The following DRC1 variants were observed in gnomAD, a reference collection of about 807,000 sequenced individuals.
DRC1 encodes the protein dynein regulatory complex subunit 1.
DRC1 carries 74 observed loss-of-function variants against 98.7 expected under a neutral mutation model. The ratio of observed to expected loss-of-function variants is 0.75; its 90% CI spans 0.62 to 0.91. The LOEUF is 0.91. Ranked by LOEUF, DRC1 falls within the 40% of genes least tolerant of loss-of-function variation. The probability of loss-of-function intolerance (pLI) is 0.00; values close to 1 mark genes in which losing one functional copy is unlikely to be tolerated. For synonymous variants in DRC1, 336 were observed against 334.1 expected (o/e 1.01, Z -0.06); for missense variants, 875 against 886.0 (o/e 0.99, Z 0.16).
Position 26,444,779 on chromosome 2 carries a change from G to A in DRC1, c.1227G>A (p.Ala409=), listed in dbSNP as rs1264616284. The change falls in exon 10 of 17, where the codon GCG becomes GCA. Residue 409 remains alanine, a synonymous_variant. Coordinates refer to ENST00000288710, the MANE Select transcript of DRC1 (RefSeq NM_145038.5). Reference sequence around the variant, plus strand: ...TTTGGCTGATGAATGAAGAGGAGGCGAAGGACCTAATAGCCAGAGCCTTTG... The same window carrying A: ...TTTGGCTGATGAATGAAGAGGAGGCAAAGGACCTAATAGCCAGAGCCTTTG... The part of the protein sequence containing the change: ...WEIWLMNEEE[A]KDLIARAFDV... 6.8e-6 allele frequency: 11 copies of A among 1,614,164 alleles called. No homozygotes were observed. Among genetic ancestry groups the A allele is most frequent in the African/African-American group, 5.3e-5 (4 of 75,028 alleles).
intron 13 of DRC1, among the ~76,000 whole-genome samples, chr2:26,450,883 C>T (rs181506355): frequency 6.6e-6 from 1 of 152,122 alleles, no homozygotes; most frequent in Non-Finnish European, 1.5e-5. Flanking sequence ...TCCCCTAGCC[C>T]CCACCCCCCG....
In DRC1 at chr2:26,444,918, C is replaced by A. The variant is rs777051751; in HGVS notation, c.1366C>A (p.Gln456Lys). The A allele has an allele frequency of 6.2e-7, 1 of 1,614,124 alleles. No homozygotes were observed. The highest frequency in any genetic ancestry group is 1.1e-5 in the South Asian group (1 of 91,072). The change falls in exon 10 of 17, where the codon CAG (glutamine) becomes AAG (lysine). Residue 456 changes from glutamine (Q) to lysine (K), a missense_variant. Transcript: ENST00000288710. ...TCAGCAGCCCCAGAAGTCCGCCACACAGATAGTAGAAGAAATGCTTATGCG... is the reference window on the plus strand; with the variant it reads ...TCAGCAGCCCCAGAAGTCCGCCACAAAGATAGTAGAAGAAATGCTTATGCG... Reference protein sequence around the residue: ...ISQQPQKSATQIVEEMLMRSE... With the variant: ...ISQQPQKSATKIVEEMLMRSE...
chr2:26,450,992 T>C (rs777362496), intron 13 of DRC1, among the ~76,000 whole-genome samples: 11 of 152,028 alleles, frequency 7.2e-5, no homozygotes, highest in Non-Finnish European at 1.2e-4. Context: ...GGTTTTCTGA[T>C]CTTGTGATCG....
intron 8 of DRC1, 40 bp downstream of exon 8, chr2:26,440,557 G>T (rs1663693475): frequency 1.3e-6 from 2 of 1,593,678 alleles, no homozygotes; most frequent in African/African-American, 1.3e-5. Flanking sequence ...TGGGCCTTCT[G>T]TGCTGAGAAT....
chr2:26,418,959 G>A (rs1678949020), intron 2 of DRC1, among the ~76,000 whole-genome samples: 1 of 148,988 alleles, frequency 6.7e-6, no homozygotes, highest in Admixed American at 6.9e-5. Context: ...CATGATCTCA[G>A]CTCACTGCAA....
At chr2:26,407,008 TG>T (rs1678451816) in intron 1 of DRC1, among the ~76,000 whole-genome samples, 1 of 151,704 alleles carries the variant, frequency 6.6e-6, no homozygotes, top group African/African-American at 2.4e-5. Flanking sequence ...TTGGTAGAGA[TG>T]GGGTTTCACC....
chr2:26,444,452 C>T, intron 9 of DRC1, 96 bp downstream of exon 9: 1 of 1,503,210 alleles, frequency 6.7e-7, no homozygotes, highest in Non-Finnish European at 8.9e-7. Context: ...CTTGATGTCA[C>T]CAGCTATTCT....
intron 10 of DRC1, among the ~76,000 whole-genome samples, chr2:26,446,135 C>T (rs947004572): frequency 5.1e-5 from 7 of 136,058 alleles, no homozygotes; most frequent in Non-Finnish European, 9.2e-5. Flanking sequence ...CTCACTCTGT[C>T]GCCCAGGCTG....
chr2:26,418,749 AAATTATATTTT>A (rs1678939075), intron 2 of DRC1, among the ~76,000 whole-genome samples: 2 of 124,038 alleles, frequency 1.6e-5, no homozygotes, highest in African/African-American at 6.2e-5. Flanking sequence ...TATATAATAT[AAATTATATTTT>A]TATATATTAT....
chr2:26,444,001 G>T (rs574678683), intron 8 of DRC1, among the ~76,000 whole-genome samples: 7 of 152,244 alleles, frequency 4.6e-5, no homozygotes, highest in African/African-American at 1.4e-4. Flanking sequence ...ATGGGCTCTG[G>T]ATTGTTTTCA....
intron 6 of DRC1, 86 bp downstream of exon 6, chr2:26,430,958 CTTT>C (rs5830013): frequency 4.5e-3 from 1,538 of 342,934 alleles, no homozygotes; most frequent in East Asian, 0.011. Context: ...CTTTTTCTAT[CTTT>C]TTTTTTTTTT....
intron 5 of DRC1, 114 bp from the exon 6 acceptor site, chr2:26,430,672 C>T: frequency 8.9e-7 from 1 of 1,125,992 alleles, no homozygotes; most frequent in Non-Finnish European, 1.4e-6. Flanking sequence ...TTGGATTTGA[C>T]TTTTTCTATG....
chr2:26,429,821 T>G, intron 5 of DRC1, 56 bp downstream of exon 5: 1 of 1,588,788 alleles, frequency 6.3e-7, no homozygotes, highest in Non-Finnish European at 8.6e-7. Flanking sequence ...TGGGAGGAGG[T>G]CTAGGTCTGT....
At chr2:26,418,568 T>C (rs1441228976) in intron 2 of DRC1, among the ~76,000 whole-genome samples, 2 of 104,420 alleles carry the variant, frequency 1.9e-5, no homozygotes, top group African/African-American at 4.6e-5. Flanking sequence ...TTATATATAA[T>C]ATATATTATA....
chr2:26,438,879 C>T (rs555817033), intron 7 of DRC1, among the ~76,000 whole-genome samples: 2 of 152,268 alleles, frequency 1.3e-5, no homozygotes, highest in African/African-American at 4.8e-5. Flanking sequence ...CACTTGATTG[C>T]CTTCCCCATT....
chr2:26,403,795 CAAA>C (rs397870483), intron 1 of DRC1, among the ~76,000 whole-genome samples: 1 of 77,276 alleles, frequency 1.3e-5, no homozygotes, highest in African/African-American at 5.8e-5. Context: ...AACTCCATCT[CAAA>C]AAAAAAAAAA....
intron 4 of DRC1, among the ~76,000 whole-genome samples, chr2:26,427,605 AAATGTAC>A (rs1448511867): frequency 2.0e-5 from 3 of 151,982 alleles, no homozygotes; most frequent in African/African-American, 7.3e-5. Flanking sequence ...AGTTATTTTA[AAATGTAC>A]AATAAATCTA....
intron 8 of DRC1, 26 bp from the exon 9 acceptor site, chr2:26,444,196 G>T: frequency 6.2e-7 from 1 of 1,613,794 alleles, no homozygotes. Context: ...TTCAGCTGCA[G>T]ACTAACCTTT....
intron 2 of DRC1, among the ~76,000 whole-genome samples, chr2:26,418,578 A>AAT (rs1434932745): frequency 9.5e-6 from 1 of 105,296 alleles, no homozygotes; most frequent in South Asian, 2.3e-4. Flanking sequence ...TATATATTAT[A>AAT]TATAAATTAT....
Sources: allele counts gnomAD v4.1 joint callset (sites outside exome capture counted in the v4.1 genomes callset), GRCh38; gene constraint gnomAD v4.1.1; transcripts MANE v1.5; gene names NCBI Gene and HGNC (gene_info 2026-07-23, HGNC 2026-07-21).